Variants in MYO16 observed in about 807,000 individuals in gnomAD.
MYO16 encodes myosin XVI.
A neutral mutation model predicts 205.3 loss-of-function variants in MYO16; 94 were observed. The ratio of observed to expected loss-of-function variants is 0.46; its 90% CI spans 0.39 to 0.54. MYO16 has a LOEUF of 0.54. Among genes scored for constraint, MYO16 ranks in the 20% least tolerant of loss-of-function variants. The pLI, the probability that MYO16 is intolerant of heterozygous loss-of-function variation, is 0.00. For synonymous variants in MYO16, 988 were observed against 954.0 expected (o/e 1.04, Z -0.66); for missense variants, 2,315 against 2,387.5 (o/e 0.97, Z 0.63).
chr13:108,605,291 G>T (rs534389024), intron 1 of MYO16, among the ~76,000 whole-genome samples: 1 of 152,162 alleles, frequency 6.6e-6, no homozygotes, highest in Admixed American at 6.5e-5. Context: ...ATCTATCTTT[G>T]TTTATCTTAC....
At chr13:108,955,488 A>T (rs930936071) in intron 16 of MYO16, among the ~76,000 whole-genome samples, 7 of 152,174 alleles carry the variant, frequency 4.6e-5, no homozygotes, top group African/African-American at 1.7e-4. Context: ...ATTCCAGGAA[A>T]CATTCCCTTT....
chr13:108,516,558 A>T, the MYO16 span, among the ~76,000 whole-genome samples: 33 of 152,244 alleles, frequency 2.2e-4, no homozygotes, highest in Non-Finnish European at 3.4e-4. Flanking sequence ...TATAACACAC[A>T]CAGAGAAAAA....
intron 28 of MYO16, among the ~76,000 whole-genome samples, chr13:109,107,744 A>T (rs1016913933): frequency 2.0e-5 from 3 of 150,858 alleles, no homozygotes; most frequent in Non-Finnish European, 4.4e-5. Context: ...GAAAATAATA[A>T]GCATTAGGAA....
At chr13:108,498,493 T>C in the MYO16 span, among the ~76,000 whole-genome samples, 1 of 152,194 alleles carries the variant, frequency 6.6e-6, no homozygotes, top group Non-Finnish European at 1.5e-5. Flanking sequence ...CTCCTCTCCT[T>C]ACTCCCTTCC....
intron 22 of MYO16, among the ~76,000 whole-genome samples, chr13:109,018,429 G>A (rs186886945): frequency 3.8e-4 from 58 of 152,310 alleles, no homozygotes; most frequent in Non-Finnish European, 4.4e-5. Flanking sequence ...CTCCAAGTTA[G>A]TCTACATGGG....
chr13:108,983,583 C>T (rs779538252), intron 20 of MYO16, among the ~76,000 whole-genome samples: 3 of 152,184 alleles, frequency 2.0e-5, no homozygotes, highest in Non-Finnish European at 2.9e-5. Context: ...TATTTAGGAA[C>T]ATTGGAGCCC....
At chr13:108,644,350 A>ATCTG (rs556879468) in intron 1 of MYO16, among the ~76,000 whole-genome samples, 6,469 of 138,162 alleles carry the variant, frequency 0.047, 224 homozygotes, top group African/African-American at 0.1. Flanking sequence ...TCTACCATCT[A>ATCTG]TCTGTCTGTC....
intron 4 of MYO16, among the ~76,000 whole-genome samples, chr13:108,755,285 G>A (rs188581619): frequency 4.3e-3 from 649 of 152,162 alleles, no homozygotes; most frequent in African/African-American, 0.015. Flanking sequence ...GAGCCCAGGG[G>A]ACTCATGCAC....
rs1255970151 is a variant in MYO16 at position 108,830,311 on chromosome 13, G to A, written c.1097+7033G>A. 3.2e-4 allele frequency among the ~76,000 whole-genome samples: 39 copies of A among 122,190 alleles called. 3 individuals are homozygous for A. The highest frequency in any genetic ancestry group is 1.1e-3 in the African/African-American group (37 of 34,146). The allele number at this position is 122,190 out of a possible 152,430, so 80.2% of individuals were successfully genotyped here. On this transcript the variant is annotated intron_variant, in intron 9 of 34. Transcript: ENST00000457511. ...TGCTGCTATAAAGACACATGCACAC[G>A]TATGTTTATTGTGGCACTATTCACA...
At chr13:108,823,957 A>C (rs1876121878) in intron 9 of MYO16, among the ~76,000 whole-genome samples, 1 of 152,114 alleles carries the variant, frequency 6.6e-6, no homozygotes, top group Non-Finnish European at 1.5e-5. Flanking sequence ...AAATATCTGA[A>C]ATATTTGTTC....
chr13:108,543,623 C>G, the MYO16 span, among the ~76,000 whole-genome samples: 1 of 126,380 alleles, frequency 7.9e-6, no homozygotes, highest in Non-Finnish European at 1.6e-5. Flanking sequence ...GCCTGGGCGA[C>G]AGAGCGAGCC....
chr13:108,647,233 C>G (rs115748962), intron 1 of MYO16, among the ~76,000 whole-genome samples: 1 of 152,072 alleles, frequency 6.6e-6, no homozygotes, highest in Non-Finnish European at 1.5e-5. Flanking sequence ...TCATTTACCC[C>G]GGCATTGCAT....
chr13:108,899,433 A>AAAAG, intron 15 of MYO16, among the ~76,000 whole-genome samples: 1 of 152,290 alleles, frequency 6.6e-6, no homozygotes, highest in Admixed American at 6.5e-5. Flanking sequence ...CAAAAAAAAA[A>AAAAG]AAAGAAAGAA....
At chr13:109,100,315 G>A (rs569886763) in intron 27 of MYO16, among the ~76,000 whole-genome samples, 56 of 152,260 alleles carry the variant, frequency 3.7e-4, no homozygotes, top group Admixed American at 1.0e-3. Flanking sequence ...GGGAAGAAGC[G>A]ATTCTACCTC....
rs552975587 is a variant in MYO16, at chr13:108,633,892, T to C, written c.28+4020T>C. On this transcript the variant is annotated intron_variant, in intron 1 of 34. Coordinates refer to ENST00000457511, the MANE Select transcript of MYO16 (RefSeq NM_001198950.3). ...ACACCCAGAAGCTGCTCCCTCCATG[T>C]CCTCACTCTCCCATATCCTGCTCTC... Among the ~76,000 whole-genome samples, 4 of 152,254 alleles carry C rather than the reference T, an allele frequency of 2.6e-5. No individual in the cohort carries two copies. In the East Asian group the frequency reaches 5.8e-4, roughly 22 times the overall value.
chr13:108,975,280 C>A (rs1594439998), intron 20 of MYO16, among the ~76,000 whole-genome samples: 1 of 151,988 alleles, frequency 6.6e-6, no homozygotes, highest in South Asian at 2.1e-4. Flanking sequence ...GCCCCCAATT[C>A]CAGTCAGGTG....
At position 108,944,212 on chromosome 13, in the gene MYO16, AAAT is replaced by A. The variant is rs559342065; in HGVS notation, c.1926-13471_1926-13469del. ...AACATTCTTCTGGGAGATAAAAAAA[AAAT>A]AATATTAGGTTAGAGCAAAAGCAAT... On this transcript the variant is annotated intron_variant, in intron 16 of 34. Coordinates refer to ENST00000457511, the MANE Select transcript of MYO16 (RefSeq NM_001198950.3). 1.4e-3 allele frequency among the ~76,000 whole-genome samples: 208 copies of A among 152,316 alleles called. 1 individual carries two copies. The highest frequency in any genetic ancestry group is 4.8e-3 in the African/African-American group (198 of 41,558).
intron 31 of MYO16, among the ~76,000 whole-genome samples, chr13:109,134,271 C>T (rs1876669295): frequency 6.6e-6 from 1 of 152,190 alleles, no homozygotes; most frequent in East Asian, 1.9e-4. Flanking sequence ...TTCTCAACAG[C>T]CTCCCAACAA....
intron 20 of MYO16, among the ~76,000 whole-genome samples, chr13:108,972,243 C>CTATATATATATATATA (rs1161845637): frequency 8.7e-5 from 1 of 11,498 alleles, no homozygotes; most frequent in African/African-American, 2.9e-4. Flanking sequence ...CTCTCTCTCT[C>CTATATATATATATATA]TCTCTCTATA....
Sources: allele counts gnomAD v4.1 joint callset (sites outside exome capture counted in the v4.1 genomes callset), GRCh38; gene constraint gnomAD v4.1.1; transcripts MANE v1.5; gene names NCBI Gene and HGNC (gene_info 2026-07-23, HGNC 2026-07-21).